The following DOCK8 variants were observed in gnomAD, a reference collection of about 807,000 sequenced individuals.
DOCK8 encodes dedicator of cytokinesis 8, also known as dedicator of cytokinesis protein 8.
In DOCK8, 141 loss-of-function variants were observed where a neutral mutation model predicts 245.6. That is an observed-to-expected ratio of 0.57 (90% confidence interval 0.50 to 0.66). DOCK8 has a LOEUF of 0.66. DOCK8 is among the 30% of genes least tolerant of loss of function. The pLI, the probability that DOCK8 is intolerant of heterozygous loss-of-function variation, is 0.00. For synonymous variants in DOCK8, 1,168 were observed against 970.2 expected, an observed-to-expected ratio of 1.20 and a Z score of -3.79; for missense variants, 2,965 against 2,603.4, an observed-to-expected ratio of 1.14 and a Z score of -3.02.
At chr9:359,659 G>C (rs986924422) in intron 14 of DOCK8, among the ~76,000 whole-genome samples, 1 of 152,156 alleles carries the variant, frequency 6.6e-6, no homozygotes, top group Non-Finnish European at 1.5e-5. Context: ...AGTTCACTCT[G>C]ATGGGATCAG....
chr9:342,594 C>T (rs938431831), intron 14 of DOCK8, among the ~76,000 whole-genome samples: 5 of 152,036 alleles, frequency 3.3e-5, no homozygotes, highest in Middle Eastern at 3.4e-3. Context: ...CTCAGCTGCC[C>T]GAGTAGCTGG....
Position 357,108 on chromosome 9 carries a change from C to T in DOCK8, c.1680-10910C>T, listed in dbSNP as rs188110980. Among the ~76,000 whole-genome samples, 43 of 152,228 alleles carry T rather than the reference C, an allele frequency of 2.8e-4. No homozygotes were observed. The East Asian group carries it at 7.5e-3, about 27-fold the overall frequency. On this transcript the variant is annotated intron_variant, in intron 14 of 47. Coordinates refer to ENST00000432829, the MANE Select transcript of DOCK8 (RefSeq NM_203447.4). ...GGGTTTTAAGGATGGCTCCTTTCAC[C>T]CATTTCTAAAAGATAGCATTCTTGA... is the stretch of plus-strand genomic sequence containing the variant.
chr9:441,807 C>A, intron 41 of DOCK8, 68 bp from the exon 42 acceptor site: 1 of 1,593,616 alleles, frequency 6.3e-7, no homozygotes, highest in South Asian at 1.1e-5. Flanking sequence ...GAGACCCCTG[C>A]CCTTTGCAAC....
rs1366825261 is a variant in DOCK8, at chr9:403,988, ATATG to A, written c.3235-928_3235-925del. ...TATATATATATATGTGTATATATAT[ATATG>A]TGTATATATATATATATATAGTTTA... is the stretch of plus-strand genomic sequence containing the variant. On this transcript the variant is annotated intron_variant, in intron 26 of 47. Transcript: ENST00000432829. Among the ~76,000 whole-genome samples the A allele has an allele frequency of 1.1e-3, 92 of 85,146 alleles. 1 individual carries two copies. Among genetic ancestry groups the A allele is most frequent in the African/African-American group, 5.6e-3 (91 of 16,300 alleles). 55.9% of individuals were successfully genotyped at this position (85,146 alleles called of 152,430 possible).
chr9:298,748 T>C (rs969312656), intron 4 of DOCK8, among the ~76,000 whole-genome samples: 3 of 152,078 alleles, frequency 2.0e-5, no homozygotes, highest in Admixed American at 6.6e-5. Context: ...AAAGCTGATA[T>C]AGTTCTGGTT....
At chr9:300,019 CAAAA>C (rs71312802) in intron 4 of DOCK8, among the ~76,000 whole-genome samples, 4 of 132,856 alleles carry the variant, frequency 3.0e-5, no homozygotes, top group Admixed American at 7.5e-5. Context: ...GACTCCGTCT[CAAAA>C]AAAAAAAAAA....
In DOCK8 at chr9:396,539, G is replaced by C. The variant is rs139243274; in HGVS notation, c.2971-246G>C. ...AAGAATTAAGCTCCTGGCTTTGTCA[G>C]CAGCAAGAAGGGAGCCTCTGACTTG... On this transcript the variant is annotated intron_variant, in intron 24 of 47. Transcript: ENST00000432829. Among the ~76,000 whole-genome samples the C allele has an allele frequency of 5.9e-5, 9 of 152,274 alleles. No homozygotes were observed. In the East Asian group the frequency reaches 1.7e-3, roughly 29 times the overall value.
In DOCK8 at chr9:368,313, T is replaced by A. The variant is rs764575559; in HGVS notation, c.1797+178T>A. 10 of 747,162 alleles carry A rather than the reference T, an allele frequency of 1.3e-5. No homozygotes were observed. In the East Asian group the frequency reaches 2.6e-4, roughly 19 times the overall value. 46.3% of individuals were successfully genotyped at this position (747,162 alleles called of 1,614,324 possible). ...GTGGGGAAACAGGGTCAGTCTTACT[T>A]GACGATCTCTTTCTCGGCTTATTCT... On this transcript the variant is annotated intron_variant, in intron 15 of 47. Coordinates refer to ENST00000432829, the MANE Select transcript of DOCK8 (RefSeq NM_203447.4).
At chr9:328,658 T>TA (rs1252765736) in intron 9 of DOCK8, among the ~76,000 whole-genome samples, 3 of 152,068 alleles carry the variant, frequency 2.0e-5, no homozygotes, top group African/African-American at 2.4e-5. Context: ...GATGCATAGT[T>TA]ACGTGTTCCC....
intron 33 of DOCK8, among the ~76,000 whole-genome samples, chr9:423,953 G>A (rs547133286): frequency 2.0e-5 from 3 of 152,034 alleles, no homozygotes; most frequent in Admixed American, 6.6e-5. Flanking sequence ...TCCTTACCAC[G>A]CATGGCCTAC....
intron 1 of DOCK8, among the ~76,000 whole-genome samples, chr9:248,109 C>T (rs1322596593): frequency 6.6e-6 from 1 of 152,094 alleles, no homozygotes; most frequent in Non-Finnish European, 1.5e-5. Context: ...TTTGGTGGAG[C>T]AGAGAGCCTC....
At position 301,534 on chromosome 9, in the gene DOCK8, A is replaced by G. The variant is rs540764608; in HGVS notation, c.405-3047A>G. On this transcript the variant is annotated intron_variant, in intron 4 of 47. Coordinates refer to ENST00000432829, the MANE Select transcript of DOCK8 (RefSeq NM_203447.4). ...AAAAAGAAATAAAAGACATCCCAACAGGAAGAGAGGAAGTCAAACTAGCTC... is the reference window on the plus strand; with the variant it reads ...AAAAAGAAATAAAAGACATCCCAACGGGAAGAGAGGAAGTCAAACTAGCTC... Among the ~76,000 whole-genome samples, 3 of 152,246 alleles carry G rather than the reference A, an allele frequency of 2.0e-5. No homozygotes were observed. The South Asian group carries it at 6.2e-4, about 31-fold the overall frequency.
At chr9:463,387 A>G (rs2131980494) in intron 46 of DOCK8, 130 bp from the exon 47 acceptor site, 1 of 1,063,986 alleles carries the variant, frequency 9.4e-7, no homozygotes, top group South Asian at 1.5e-5. Context: ...TCCACAGGTG[A>G]TCCCGATATG....
intron 15 of DOCK8, 24 bp from the exon 16 acceptor site, chr9:370,206 G>T (rs1212884716): frequency 1.2e-6 from 2 of 1,600,554 alleles, no homozygotes; most frequent in Admixed American, 3.3e-5. Context: ...CTGATAATTT[G>T]ATCCTTTCTC....
At chr9:366,769 C>T (rs34101604) in intron 14 of DOCK8, among the ~76,000 whole-genome samples, 23,203 of 152,202 alleles carry the variant, frequency 0.15, 2,251 homozygotes, top group Middle Eastern at 0.26. Context: ...CGCCCCCTAC[C>T]TTCCCCATAC....
chr9:457,016 G>A lies in DOCK8; in HGVS notation c.6068+4899G>A, dbSNP rs566925619. 13 of 152,334 alleles carry A rather than the reference G, an allele frequency of 8.5e-5. No individual in the cohort carries two copies. In the East Asian group the frequency reaches 2.3e-3, roughly 27 times the overall value. The allele number at this position is 152,334 out of a possible 1,614,324, so 9.4% of individuals were successfully genotyped here. On this transcript the variant is annotated intron_variant, in intron 46 of 47. Coordinates refer to ENST00000432829, the MANE Select transcript of DOCK8 (RefSeq NM_203447.4). ...TCATAGGCTCAGAAAACAGGCTGTT[G>A]AGTGGTGGCGTTTTTAAACTGGAGT...
intron 33 of DOCK8, among the ~76,000 whole-genome samples, chr9:426,562 C>T (rs1434685615): frequency 6.6e-6 from 1 of 152,192 alleles, no homozygotes; most frequent in Non-Finnish European, 1.5e-5. Context: ...AGGCTTTAGG[C>T]AACAATCTGA....
chr9:346,998 A>G (rs1466442001), intron 14 of DOCK8, among the ~76,000 whole-genome samples: 1 of 152,178 alleles, frequency 6.6e-6, no homozygotes, highest in Non-Finnish European at 1.5e-5. Flanking sequence ...CTCTGTATTC[A>G]GAGTGGATCT....
chr9:322,845 T>C (rs971004666), intron 7 of DOCK8, among the ~76,000 whole-genome samples: 2 of 152,016 alleles, frequency 1.3e-5, no homozygotes. Context: ...GTAATCCCAG[T>C]ACTTTGGGAG....
Sources: allele counts gnomAD v4.1 joint callset (sites outside exome capture counted in the v4.1 genomes callset), GRCh38; gene constraint gnomAD v4.1.1; transcripts MANE v1.5; gene names NCBI Gene and HGNC (gene_info 2026-07-23, HGNC 2026-07-21).